MAF: variants seen among roughly 807,000 people sequenced by gnomAD.
The protein encoded by MAF is MAF bZIP transcription factor, also known as transcription factor Maf.
A neutral mutation model predicts 22.0 loss-of-function variants in MAF; 10 were observed. That is an observed-to-expected ratio of 0.45 (90% CI 0.28 to 0.77). The LOEUF is 0.77. Among genes scored for constraint, MAF ranks in the 30% least tolerant of loss-of-function variants. MAF has a pLI of 0.12. For synonymous variants in MAF, 337 were observed against 255.8 expected (o/e 1.32, Z -3.03); for missense variants, 544 against 548.4 (o/e 0.99, Z 0.08).
chr16:79,306,198 C>T, the MAF span, among the ~76,000 whole-genome samples: 1 of 152,214 alleles, frequency 6.6e-6, no homozygotes, highest in African/African-American at 2.4e-5. Context: ...CTATCAGATG[C>T]AGGACTGCCC....
At chr16:79,366,360 G>A in the MAF span, among the ~76,000 whole-genome samples, 1 of 152,342 alleles carries the variant, frequency 6.6e-6, no homozygotes, top group South Asian at 2.1e-4. Context: ...AAATGTAGGT[G>A]AGATTGCCTA....
At chr16:79,449,707 G>A in the MAF span, among the ~76,000 whole-genome samples, 1 of 152,014 alleles carries the variant, frequency 6.6e-6, no homozygotes, top group Non-Finnish European at 1.5e-5. Context: ...CCTTTTACTG[G>A]GATTCAGTTT....
chr16:79,251,270 G>C, the MAF span, among the ~76,000 whole-genome samples: 1 of 151,674 alleles, frequency 6.6e-6, no homozygotes, highest in African/African-American at 2.4e-5. Flanking sequence ...CTGTTTTCTA[G>C]GTGTGCAAAT....
chr16:79,600,198 C>T lies in MAF; in HGVS notation c.-296G>A. ...TCCTTGCGCGCCGAGCCGGCGGCTTCAGGCTCGGGAAGATCCTCCGCGAGC... is the reference window on the plus strand; with the variant it reads ...TCCTTGCGCGCCGAGCCGGCGGCTTTAGGCTCGGGAAGATCCTCCGCGAGC... On this transcript the variant is annotated 5_prime_UTR_variant, in exon 1 of 2. It removes the in-frame stop codon of an upstream open reading frame in the 5' UTR. Transcript: ENST00000326043. 1 of 354,538 alleles carries T rather than the reference C, an allele frequency of 2.8e-6. No individual in the cohort carries two copies. The highest frequency in any genetic ancestry group is 5.1e-6 in the Non-Finnish European group (1 of 195,126). The allele number at this position is 354,538 out of a possible 1,614,324, so 22.0% of individuals were successfully genotyped here. A position where few individuals can be genotyped will look rare whatever the true frequency, so the allele number is the denominator to read the frequency against.
chr16:79,296,471 G>A, the MAF span, among the ~76,000 whole-genome samples: 1 of 152,054 alleles, frequency 6.6e-6, no homozygotes, highest in African/African-American at 2.4e-5. Context: ...CATGGCATAT[G>A]TTTACTTATG....
chr16:79,437,059 C>T, the MAF span, among the ~76,000 whole-genome samples: 1 of 152,182 alleles, frequency 6.6e-6, no homozygotes, highest in African/African-American at 2.4e-5. Flanking sequence ...TCATGTATCC[C>T]CCACACTGTT....
At chr16:79,512,128 T>C in the MAF span, among the ~76,000 whole-genome samples, 2 of 152,192 alleles carry the variant, frequency 1.3e-5, no homozygotes, top group South Asian at 2.1e-4. Context: ...ATCCCATAGC[T>C]CTTTGAATGA....
At chr16:79,521,821 T>C in the MAF span, among the ~76,000 whole-genome samples, 2 of 152,212 alleles carry the variant, frequency 1.3e-5, no homozygotes, top group African/African-American at 4.8e-5. Flanking sequence ...AAAGACACCA[T>C]ACTAAGCACT....
chr16:79,306,122 A>G, the MAF span, among the ~76,000 whole-genome samples: 16 of 152,234 alleles, frequency 1.1e-4, no homozygotes, highest in African/African-American at 3.9e-4. Context: ...GGGCTCCAAT[A>G]TTGGAAAGGG....
At chr16:79,349,071 G>A in the MAF span, among the ~76,000 whole-genome samples, 1 of 152,202 alleles carries the variant, frequency 6.6e-6, no homozygotes, top group Non-Finnish European at 1.5e-5. Context: ...AACATTTGTT[G>A]AGTACTCACT....
the MAF span, among the ~76,000 whole-genome samples, chr16:79,546,478 A>G: frequency 6.6e-6 from 1 of 152,242 alleles, no homozygotes. Context: ...ATGGTTTTCA[A>G]CGTGGAAAGC....
chr16:79,344,008 G>A, the MAF span, among the ~76,000 whole-genome samples: 1 of 152,192 alleles, frequency 6.6e-6, no homozygotes, highest in African/African-American at 2.4e-5. Context: ...TCCAGTGAGT[G>A]TCATTTGCTC....
At chr16:79,560,226 C>A in the MAF span, among the ~76,000 whole-genome samples, 1 of 151,934 alleles carries the variant, frequency 6.6e-6, no homozygotes, top group Non-Finnish European at 1.5e-5. Flanking sequence ...ACCTGGCCAC[C>A]AACAGTATTC....
At chr16:79,428,849 A>AAATAATAATAATAATAATAATAAT in the MAF span, among the ~76,000 whole-genome samples, 30 of 146,642 alleles carry the variant, frequency 2.0e-4, no homozygotes, top group Middle Eastern at 7.1e-3. Flanking sequence ...TGTCTCAGAA[A>AAATAATAATAATAATAATAATAAT]AATAATAATA....
the MAF span, chr16:79,212,881 A>C: frequency 6.6e-6 from 1 of 151,228 alleles, no homozygotes; most frequent in African/African-American, 2.4e-5. Flanking sequence ...GTCTCACGCG[A>C]TTAGCATGCC....
At chr16:79,465,928 T>C in the MAF span, among the ~76,000 whole-genome samples, 1 of 152,216 alleles carries the variant, frequency 6.6e-6, no homozygotes, top group African/African-American at 2.4e-5. Context: ...ATGGATACAT[T>C]TGCAAATATT....
At chr16:79,303,133 A>T in the MAF span, among the ~76,000 whole-genome samples, 4 of 152,014 alleles carry the variant, frequency 2.6e-5, no homozygotes, top group Admixed American at 6.6e-5. Flanking sequence ...AGGGGGTGGG[A>T]GGCGTCCCCA....
the MAF span, among the ~76,000 whole-genome samples, chr16:79,394,132 G>A: frequency 1.3e-5 from 2 of 152,174 alleles, no homozygotes; most frequent in Non-Finnish European, 2.9e-5. Flanking sequence ...AGCAAGGAGA[G>A]CAAAATAAAT....
chr16:79,592,679 C>T (rs141304360), downstream of MAF, among the ~76,000 whole-genome samples: 1 of 152,218 alleles, frequency 6.6e-6, no homozygotes, highest in Non-Finnish European at 1.5e-5. Flanking sequence ...TTCCTCAGAA[C>T]AACAAGGAAG....
Sources: gnomAD v4.1 joint callset for allele counts (sites outside exome capture counted in the v4.1 genomes callset) on GRCh38, gnomAD v4.1.1 for gene constraint, MANE v1.5 for transcripts, NCBI Gene and HGNC (gene_info 2026-07-23, HGNC 2026-07-21) for gene names.